ZZZ3: variants seen among roughly 807,000 people sequenced by gnomAD.
The protein encoded by ZZZ3 is zinc finger ZZ-type containing 3.
Under a neutral mutation model 95.2 loss-of-function variants are expected in ZZZ3, and 22 were observed. That is an observed-to-expected ratio of 0.23 (90% CI 0.17 to 0.33). The LOEUF (loss-of-function observed/expected upper bound fraction) is 0.33. Among genes scored for constraint, ZZZ3 ranks in the 10% least tolerant of loss-of-function variants. ZZZ3 has a pLI of 1.00. For synonymous variants in ZZZ3, 335 were observed against 358.9 expected (o/e 0.93, Z 0.75); for missense variants, 885 against 1,066.5 (o/e 0.83, Z 2.37).
At chr1:77,622,388 A>C (rs1177575893) in intron 5 of ZZZ3, among the ~76,000 whole-genome samples, 1 of 150,972 alleles carries the variant, frequency 6.6e-6, no homozygotes, top group Admixed American at 6.6e-5. Context: ...AAAAAAAAAA[A>C]CCTGAATCAA....
At position 77,578,803 on chromosome 1, in the gene ZZZ3, T is replaced by C; in HGVS notation, c.2149A>G (p.Thr717Ala). 3 of 1,569,104 alleles carry C rather than the reference T, an allele frequency of 1.9e-6. No homozygotes were observed. In the East Asian group the frequency reaches 7.2e-5, roughly 38 times the overall value. The change falls in exon 11 of 15, where the codon ACA (threonine) becomes GCA (alanine). Residue 717 changes from threonine to alanine, a missense_variant. Physicochemically the swap from Thr to Ala is moderately conservative, Grantham distance 58 (BLOSUM62 0). Around this residue, in one of 5 missense-constraint regions of ZZZ3, gnomAD observed 221 missense variants for 247.8 expected, o/e 0.89. Transcript: ENST00000370801. ...TKAGIPVPGR[T>A]PNLYIYSKKS... ...TTGGAGTATATATATAAGTTTGGTG[T>C]TCTGCCTGGTACTGGAATGCCAGCT...
intron 11 of ZZZ3, among the ~76,000 whole-genome samples, chr1:77,577,087 G>A (rs1662035201): frequency 6.6e-6 from 1 of 152,146 alleles, no homozygotes; most frequent in Non-Finnish European, 1.5e-5. Context: ...CCACTATGCA[G>A]CCTGCCTGTC....
intron 1 of ZZZ3, among the ~76,000 whole-genome samples, chr1:77,662,342 C>A (rs1412633760): frequency 6.6e-6 from 1 of 151,950 alleles, no homozygotes; most frequent in East Asian, 1.9e-4. Context: ...CAAGTTCTCG[C>A]TATGTTGCCC....
intron 1 of ZZZ3, among the ~76,000 whole-genome samples, chr1:77,653,945 T>C (rs1178726778): frequency 1.3e-5 from 2 of 151,902 alleles, no homozygotes; most frequent in African/African-American, 4.8e-5. Context: ...TCCCAGCACT[T>C]TGGGAGGCCA....
intron 5 of ZZZ3, among the ~76,000 whole-genome samples, chr1:77,593,259 C>G (rs1299463662): frequency 6.6e-6 from 1 of 152,158 alleles, no homozygotes; most frequent in East Asian, 1.9e-4. Context: ...ACATCCCATA[C>G]CTAGGTACGA....
At chr1:77,663,981 C>A (rs1671043760) in intron 1 of ZZZ3, among the ~76,000 whole-genome samples, 1 of 151,748 alleles carries the variant, frequency 6.6e-6, no homozygotes. Context: ...AATTCCTGAC[C>A]TCAGGTGATC....
At position 77,563,066 on chromosome 1, in the gene ZZZ3, G is replaced by A. The variant is rs1290871652; in HGVS notation, c.*2574C>T. On this transcript the variant is annotated 3_prime_UTR_variant, in exon 15 of 15. Transcript: ENST00000370801. The stretch of plus-strand genomic sequence containing the variant: ...GCTTGCTTGGCACATAGTAAACACT[G>A]TATCAGTGTTTTCTATTATTATGCA... The A allele has an allele frequency of 6.6e-6, 1 of 152,142 alleles. No homozygotes were observed. 9.4% of individuals were successfully genotyped at this position (152,142 alleles called of 1,614,324 possible). A position where few individuals can be genotyped will look rare whatever the true frequency, so the allele number is the denominator to read the frequency against.
chr1:77,615,162 A>G (rs1178059469), intron 5 of ZZZ3, among the ~76,000 whole-genome samples: 3 of 152,214 alleles, frequency 2.0e-5, no homozygotes, highest in Non-Finnish European at 2.9e-5. Flanking sequence ...AACAACAAAA[A>G]TGGTGACATC....
chr1:77,631,727 T>A, intron 5 of ZZZ3, 123 bp downstream of exon 5: 1 of 792,464 alleles, frequency 1.3e-6, no homozygotes, highest in Non-Finnish European at 1.9e-6. Flanking sequence ...GAAAATCATA[T>A]TAAACCTAAA....
In ZZZ3 at chr1:77,567,976, A is replaced by C. The variant is rs1660984864; in HGVS notation, c.2466+356T>G. ...CCACTGCTTTGCATAAATGAATGGGATAAAAGATAACTTTTTCCTACATGC... is the reference window on the plus strand; with the variant it reads ...CCACTGCTTTGCATAAATGAATGGGCTAAAAGATAACTTTTTCCTACATGC... On this transcript the variant is annotated intron_variant, in intron 13 of 14. Coordinates refer to ENST00000370801, the MANE Select transcript of ZZZ3 (RefSeq NM_015534.6). 2.6e-5 allele frequency among the ~76,000 whole-genome samples: 4 copies of C among 152,212 alleles called. No homozygotes were observed. The South Asian group carries it at 8.3e-4, about 31-fold the overall frequency.
At chr1:77,655,435 C>T (rs951512503) in intron 1 of ZZZ3, among the ~76,000 whole-genome samples, 1 of 152,338 alleles carries the variant, frequency 6.6e-6, no homozygotes, top group East Asian at 1.9e-4. Flanking sequence ...TAAGCCCCTT[C>T]AGCCATGTGA....
In ZZZ3 at chr1:77,632,449, C is replaced by T. The variant is rs976379965; in HGVS notation, c.906G>A (p.Gly302=). 9 of 1,614,006 alleles carry T rather than the reference C, an allele frequency of 5.6e-6. No homozygotes were observed. The highest frequency in any genetic ancestry group is 6.8e-6 in the Non-Finnish European group (8 of 1,180,018). ...AAGATGACTGAGTTTCAGAAAAGGG[C>T]CCTGTAGCTGGCTCAGTAGTCAGCT... ...VNQLTTEPAT[G]PFSETQSSLR... is the part of the protein sequence containing the mutation. Residue 302 remains glycine (G), a synonymous_variant, in exon 5 of 15, where the codon GGG becomes GGA. Transcript: ENST00000370801.
chr1:77,622,177 C>T (rs1357883809), intron 5 of ZZZ3, among the ~76,000 whole-genome samples: 1 of 149,096 alleles, frequency 6.7e-6, no homozygotes, highest in Non-Finnish European at 1.5e-5. Flanking sequence ...TGTGGTGGCA[C>T]ACACCTGTAG....
intron 12 of ZZZ3, among the ~76,000 whole-genome samples, chr1:77,573,286 A>AT (rs34142930): frequency 1.6e-4 from 23 of 146,988 alleles, no homozygotes; most frequent in South Asian, 2.2e-4. Flanking sequence ...TGCCCAGCTA[A>AT]TTTTTTTTTT....
intron 4 of ZZZ3, among the ~76,000 whole-genome samples, chr1:77,634,439 T>C (rs988819470): frequency 7.2e-5 from 11 of 152,196 alleles, no homozygotes; most frequent in South Asian, 4.1e-4. Context: ...CTAGCTTGCA[T>C]TGGCTAAGAA....
chr1:77,586,029 T>C (rs540057339), intron 5 of ZZZ3, among the ~76,000 whole-genome samples: 13 of 152,226 alleles, frequency 8.5e-5, no homozygotes, highest in African/African-American at 3.1e-4. Context: ...GTGGGAAAGG[T>C]AGAGCTATAC....
Position 77,578,765 on chromosome 1 carries a change from T to C in ZZZ3, c.2178+9A>G. 3 of 1,482,176 alleles carry C rather than the reference T, an allele frequency of 2.0e-6. No individual in the cohort carries two copies. In the South Asian group the frequency reaches 4.1e-5, roughly 20 times the overall value. 91.8% of individuals were successfully genotyped at this position (1,482,176 alleles called of 1,614,324 possible). A position where few individuals can be genotyped will look rare whatever the true frequency, so the allele number is the denominator to read the frequency against. On this transcript the variant is annotated intron_variant, in intron 11 of 14. Transcript: ENST00000370801. ...AATCTACAGTTTACTTTCATGTATTTTCTTTTACCTTTTTGGAGTATATAT... is the reference window on the plus strand; with the variant it reads ...AATCTACAGTTTACTTTCATGTATTCTCTTTTACCTTTTTGGAGTATATAT...
Position 77,562,865 on chromosome 1 carries a change from A to T in ZZZ3, c.*2775T>A, listed in dbSNP as rs1199995207. Reference sequence around the variant, plus strand: ...ATTCCTGCTCAGGAAACAGGATAGTAAGGCAGACGCTGACTCTGAAGTAAT... The same window carrying T: ...ATTCCTGCTCAGGAAACAGGATAGTTAGGCAGACGCTGACTCTGAAGTAAT... On this transcript the variant is annotated 3_prime_UTR_variant, in exon 15 of 15. Transcript: ENST00000370801. 1 of 152,576 alleles carries T rather than the reference A, an allele frequency of 6.6e-6. No homozygotes were observed. The highest frequency in any genetic ancestry group is 2.4e-5 in the African/African-American group (1 of 41,446). 9.5% of individuals were successfully genotyped at this position (152,576 alleles called of 1,614,324 possible).
intron 1 of ZZZ3, among the ~76,000 whole-genome samples, chr1:77,655,903 T>C (rs1670232033): frequency 6.6e-6 from 1 of 152,322 alleles, no homozygotes; most frequent in East Asian, 1.9e-4. Context: ...ACAGACTAAC[T>C]TGAAAATGAT....
Sources: allele counts gnomAD v4.1 joint callset (sites outside exome capture counted in the v4.1 genomes callset), GRCh38; gene constraint gnomAD v4.1.1; regional missense constraint gnomAD v4.1.1; transcripts MANE v1.5; gene names NCBI Gene and HGNC (gene_info 2026-07-23, HGNC 2026-07-21).